PHTF2: variants seen among roughly 807,000 people sequenced by gnomAD.
PHTF2 encodes protein PHTF2.
PHTF2 carries 60 observed loss-of-function variants against 101.2 expected under a neutral mutation model. The observed-to-expected ratio is 0.59, with a 90% CI of 0.48 to 0.73. The LOEUF (loss-of-function observed/expected upper bound fraction) is 0.73. Ranked by LOEUF, PHTF2 falls within the 30% of genes least tolerant of loss-of-function variation. The pLI is 0.00. For missense variants in PHTF2, 747 were observed against 908.7 expected, an observed-to-expected ratio of 0.82 and a Z score of 2.29; for synonymous variants, 311 against 307.3, an observed-to-expected ratio of 1.01 and a Z score of -0.13.
At chr7:77,820,671 C>T (rs1237403560) in intron 1 of PHTF2, among the ~76,000 whole-genome samples, 1 of 152,206 alleles carries the variant, frequency 6.6e-6, no homozygotes, top group Non-Finnish European at 1.5e-5. Context: ...AGCCACTGCA[C>T]TCATCCCAAG....
chr7:77,824,885 G>A (rs1231744368), intron 1 of PHTF2, among the ~76,000 whole-genome samples: 4 of 150,570 alleles, frequency 2.7e-5, no homozygotes, highest in Admixed American at 6.6e-5. Flanking sequence ...AAAAAAAAAC[G>A]TTAGCCGAGT....
At chr7:77,812,216 ATTAAG>A (rs1325861494) in intron 1 of PHTF2, among the ~76,000 whole-genome samples, 1 of 152,226 alleles carries the variant, frequency 6.6e-6, no homozygotes, top group African/African-American at 2.4e-5. Flanking sequence ...TGCTGATTAT[ATTAAG>A]TTGTTTGAGG....
At chr7:77,909,517 C>G (rs1390603694) in intron 8 of PHTF2, 2 of 152,102 alleles carry the variant, frequency 1.3e-5, no homozygotes, top group East Asian at 3.9e-4. Flanking sequence ...TATGCCACCC[C>G]ACCTGACTAG....
chr7:77,829,273 G>C (rs1359548684), intron 1 of PHTF2, among the ~76,000 whole-genome samples: 5 of 152,146 alleles, frequency 3.3e-5, no homozygotes, highest in African/African-American at 9.7e-5. Context: ...GATGTTACTT[G>C]CCTGTAGTTT....
At chr7:77,842,625 G>A (rs887005040) in intron 2 of PHTF2, among the ~76,000 whole-genome samples, 7 of 152,012 alleles carry the variant, frequency 4.6e-5, no homozygotes, top group Non-Finnish European at 1.0e-4. Context: ...CTCCCCCAGA[G>A]GCAATCATTT....
At chr7:77,947,250 T>C (rs1806127421) in intron 16 of PHTF2, among the ~76,000 whole-genome samples, 1 of 152,108 alleles carries the variant, frequency 6.6e-6, no homozygotes, top group African/African-American at 2.4e-5. Context: ...TAAAACTTTA[T>C]TGAAAATTTT....
chr7:77,880,993 T>A (rs1027776770), intron 3 of PHTF2, among the ~76,000 whole-genome samples: 1 of 152,136 alleles, frequency 6.6e-6, no homozygotes, highest in African/African-American at 2.4e-5. Flanking sequence ...CTATCTGGTA[T>A]CCCTCCAATC....
At chr7:77,830,561 T>A (rs922106825) in intron 1 of PHTF2, among the ~76,000 whole-genome samples, 1 of 152,196 alleles carries the variant, frequency 6.6e-6, no homozygotes, top group African/African-American at 2.4e-5. Flanking sequence ...CAGCTGTGTA[T>A]GTGAGAGATC....
intron 7 of PHTF2, among the ~76,000 whole-genome samples, chr7:77,904,250 A>C (rs1421285812): frequency 6.6e-6 from 1 of 152,094 alleles, no homozygotes; most frequent in Non-Finnish European, 1.5e-5. Context: ...TTTTTTGCCT[A>C]TGTGTCTTTG....
At position 77,884,899 on chromosome 7, in the gene PHTF2, A is replaced by AAAATAAATAAAT. The variant is rs55902103; in HGVS notation, c.148-8693_148-8682dup. 1.9e-3 allele frequency among the ~76,000 whole-genome samples: 282 copies of AAAATAAATAAAT among 151,294 alleles called. 1 individual carries two copies. The highest frequency in any genetic ancestry group is 4.6e-3 in the South Asian group (22 of 4,790). ...GGGTGACAAAGCGAGACTTCGTCTC[A>AAAATAAATAAAT]AAATAAATAAATAAATAAATAAATA... is the stretch of plus-strand genomic sequence containing the variant. On this transcript the variant is annotated intron_variant, in intron 3 of 19. Transcript: ENST00000416283.
intron 11 of PHTF2, among the ~76,000 whole-genome samples, chr7:77,925,638 G>A (rs1290570953): frequency 6.8e-6 from 1 of 146,622 alleles, no homozygotes; most frequent in African/African-American, 2.5e-5. Flanking sequence ...GCTAATTTTT[G>A]TATTTTAATA....
chr7:77,856,530 A>AT (rs1271943377), intron 3 of PHTF2, among the ~76,000 whole-genome samples: 4 of 151,832 alleles, frequency 2.6e-5, no homozygotes, highest in African/African-American at 7.3e-5. Flanking sequence ...TCATTTTTTA[A>AT]TTTTTTGTAA....
intron 7 of PHTF2, among the ~76,000 whole-genome samples, chr7:77,903,491 G>A (rs1198858272): frequency 2.6e-5 from 4 of 152,126 alleles, no homozygotes; most frequent in Non-Finnish European, 5.9e-5. Flanking sequence ...CGACAAACAA[G>A]TTTCCAATGT....
At chr7:77,805,506 T>C (rs1051832760) in intron 1 of PHTF2, among the ~76,000 whole-genome samples, 3 of 152,234 alleles carry the variant, frequency 2.0e-5, no homozygotes, top group Non-Finnish European at 4.4e-5. Context: ...AGCTCATAAT[T>C]TGAAACATTT....
intron 3 of PHTF2, among the ~76,000 whole-genome samples, chr7:77,868,441 C>G (rs1205530688): frequency 7.0e-6 from 1 of 143,440 alleles, no homozygotes; most frequent in African/African-American, 2.6e-5. Context: ...AGTGCTGGGA[C>G]TACAGGCATG....
intron 11 of PHTF2, chr7:77,923,074 G>A: frequency 2.8e-6 from 3 of 1,055,848 alleles, no homozygotes; most frequent in Non-Finnish European, 3.4e-6. Flanking sequence ...GCAAACTCCT[G>A]TGTTCACTTT....
chr7:77,867,548 A>G (rs952053413), intron 3 of PHTF2, among the ~76,000 whole-genome samples: 3 of 152,198 alleles, frequency 2.0e-5, no homozygotes, highest in African/African-American at 7.2e-5. Flanking sequence ...CTGACTACTT[A>G]TTATTGCTGT....
chr7:77,932,683 A>G (rs1339416502), intron 12 of PHTF2, among the ~76,000 whole-genome samples: 1 of 150,668 alleles, frequency 6.6e-6, no homozygotes, highest in Non-Finnish European at 1.5e-5. Context: ...CATCAAAACA[A>G]TCATACTGCC....
At chr7:77,920,742 T>C (rs1181316338) in intron 10 of PHTF2, among the ~76,000 whole-genome samples, 1 of 152,114 alleles carries the variant, frequency 6.6e-6, no homozygotes, top group Non-Finnish European at 1.5e-5. Context: ...AGTGAGGTGG[T>C]GCGATCTTGG....
Sources: allele counts gnomAD v4.1 joint callset (sites outside exome capture counted in the v4.1 genomes callset), GRCh38; gene constraint gnomAD v4.1.1; transcripts MANE v1.5; gene names NCBI Gene and HGNC (gene_info 2026-07-23, HGNC 2026-07-21).